ERAP1: variants seen among roughly 807,000 people sequenced by gnomAD.
The protein encoded by ERAP1 is adipocyte-derived leucine aminopeptidase.
In ERAP1, 86 loss-of-function variants were observed where a neutral mutation model predicts 103.7. The observed-to-expected ratio is 0.83, with a 90% confidence interval of 0.70 to 0.99. The LOEUF (loss-of-function observed/expected upper bound fraction) is 0.99. ERAP1 is among the 50% of genes least tolerant of loss of function. The probability of loss-of-function intolerance (pLI) is 0.00; values close to 1 mark genes in which losing one functional copy is unlikely to be tolerated. For missense variants in ERAP1, 1,009 were observed against 1,128.4 expected, an observed-to-expected ratio of 0.89 and a Z score of 1.52; for synonymous variants, 398 against 402.4, an observed-to-expected ratio of 0.99 and a Z score of 0.13.
the ERAP1 span, chr5:96,903,450 C>T: frequency 1.9e-6 from 3 of 1,614,030 alleles, no homozygotes; most frequent in Non-Finnish European, 2.5e-6. Context: ...ACATCGTTCA[C>T]TATGAGGGTC....
At chr5:96,808,189 TGTGTGTGTGTGTG>T (rs2151021093), upstream of ERAP1, 1 of 14,206 alleles carries the variant, frequency 7.0e-5, no homozygotes, top group East Asian at 9.5e-4. Flanking sequence ...CGCGGATCCG[TGTGTGTGTGTGTG>T]TGTGTGTGTG....
the ERAP1 span, among the ~76,000 whole-genome samples, chr5:96,835,426 G>A: frequency 6.6e-6 from 1 of 152,124 alleles, no homozygotes; most frequent in Non-Finnish European, 1.5e-5. Flanking sequence ...AAGCTCAGAT[G>A]CTGGTCTCAA....
the ERAP1 span, among the ~76,000 whole-genome samples, chr5:96,894,895 G>A: frequency 3.9e-5 from 6 of 152,048 alleles, no homozygotes; most frequent in Non-Finnish European, 8.8e-5. Flanking sequence ...AGGTGAGATT[G>A]TTCTTATTGG....
At chr5:96,925,938 G>T in the ERAP1 span, among the ~76,000 whole-genome samples, 1 of 123,768 alleles carries the variant, frequency 8.1e-6, no homozygotes. Flanking sequence ...TTTTTGAGAC[G>T]GAGTCTCGCT....
the ERAP1 span, among the ~76,000 whole-genome samples, chr5:96,897,490 G>A: frequency 6.6e-6 from 1 of 151,668 alleles, no homozygotes; most frequent in South Asian, 2.1e-4. Flanking sequence ...CTCTTTTATT[G>A]TTTTTATTAG....
chr5:96,762,198 G>A, exon 20 of ERAP1: 1 of 829,630 alleles, frequency 1.2e-6, no homozygotes, highest in Non-Finnish European at 1.9e-6. Context: ...ATCTTTAAGA[G>A]TTATAGTTAA....
the ERAP1 span, among the ~76,000 whole-genome samples, chr5:96,883,180 C>T: frequency 5.9e-5 from 9 of 152,118 alleles, no homozygotes; most frequent in African/African-American, 2.2e-4. Flanking sequence ...CACGTGAAGG[C>T]GTAGTTTGCA....
the ERAP1 span, among the ~76,000 whole-genome samples, chr5:96,827,161 C>T: frequency 3.3e-5 from 5 of 152,162 alleles, no homozygotes; most frequent in Non-Finnish European, 7.3e-5. Flanking sequence ...GCAGATCTTT[C>T]CTGCTTTTTT....
chr5:96,862,997 C>T, the ERAP1 span, among the ~76,000 whole-genome samples: 2 of 152,202 alleles, frequency 1.3e-5, no homozygotes, highest in African/African-American at 4.8e-5. Context: ...CTGAAAGTGG[C>T]ACACTTGCCA....
At chr5:96,830,226 C>A in the ERAP1 span, among the ~76,000 whole-genome samples, 3 of 152,198 alleles carry the variant, frequency 2.0e-5, no homozygotes, top group African/African-American at 7.2e-5. Context: ...GGTCCCCAAG[C>A]TGGCTCCAGA....
At chr5:96,829,364 T>C in the ERAP1 span, among the ~76,000 whole-genome samples, 3 of 152,254 alleles carry the variant, frequency 2.0e-5, no homozygotes, top group Non-Finnish European at 4.4e-5. Flanking sequence ...CTGACTTGTT[T>C]TGATTTTTAC....
At chr5:96,824,645 A>T in the ERAP1 span, among the ~76,000 whole-genome samples, 1 of 152,186 alleles carries the variant, frequency 6.6e-6, no homozygotes, top group Non-Finnish European at 1.5e-5. Flanking sequence ...ATCTGCCAAC[A>T]ATTGGACTTC....
chr5:96,882,427 T>A, the ERAP1 span, among the ~76,000 whole-genome samples: 1 of 152,186 alleles, frequency 6.6e-6, no homozygotes, highest in Non-Finnish European at 1.5e-5. Context: ...CCCTTCATAC[T>A]CAGTCACCTA....
chr5:96,761,218 A>G (rs1767838907), exon 20 of ERAP1: 3 of 152,246 alleles, frequency 2.0e-5, no homozygotes. Flanking sequence ...AGGCTTAAAT[A>G]ATAAGTCAAT....
chr5:96,871,870 A>G, the ERAP1 span, among the ~76,000 whole-genome samples: 2 of 152,176 alleles, frequency 1.3e-5, no homozygotes, highest in Non-Finnish European at 2.9e-5. Flanking sequence ...AAATTCTGAG[A>G]ATACATGTTT....
chr5:96,930,801 A>G, the ERAP1 span, among the ~76,000 whole-genome samples: 2 of 152,198 alleles, frequency 1.3e-5, no homozygotes, highest in Non-Finnish European at 2.9e-5. Flanking sequence ...AATGCAATAG[A>G]GATTGATGTG....
the ERAP1 span, chr5:96,917,679 G>A: frequency 1.6e-5 from 20 of 1,252,646 alleles, no homozygotes; most frequent in South Asian, 2.6e-4. Flanking sequence ...GGCTGAGAAG[G>A]GCGGATCACG....
chr5:96,816,904 C>T, the ERAP1 span, among the ~76,000 whole-genome samples: 2 of 152,164 alleles, frequency 1.3e-5, no homozygotes, highest in Non-Finnish European at 2.9e-5. Flanking sequence ...GATAAGACCC[C>T]GGACCTCACC....
intron 11 of ERAP1, chr5:96,786,763 A>G: frequency 1.9e-6 from 1 of 535,210 alleles, no homozygotes; most frequent in Non-Finnish European, 3.4e-6. Context: ...CCTTGAGTAG[A>G]GCTAAGAATT....
Sources: allele counts gnomAD v4.1 joint callset (sites outside exome capture counted in the v4.1 genomes callset), GRCh38; gene constraint gnomAD v4.1.1; transcripts MANE v1.5; gene names NCBI Gene and HGNC (gene_info 2026-07-23, HGNC 2026-07-21).